Variants in USB1 observed in about 807,000 individuals in gnomAD.
USB1 encodes U6 snRNA phosphodiesterase 1.
In USB1, 21 loss-of-function variants were observed where a neutral mutation model predicts 29.9. That is an observed-to-expected ratio of 0.70 (90% CI 0.50 to 1.01). The LOEUF (loss-of-function observed/expected upper bound fraction) is 1.01, where lower values mean the gene tolerates loss of function less well. Ranked by LOEUF, USB1 falls within the 50% of genes least tolerant of loss-of-function variation. USB1 has a pLI of 0.00. For missense variants in USB1, 330 were observed against 347.1 expected, an observed-to-expected ratio of 0.95 and a Z score of 0.39; for synonymous variants, 143 against 134.9, an observed-to-expected ratio of 1.06 and a Z score of -0.42.
rs770934785 is a variant in USB1 at position 58,001,563 on chromosome 16, G to C, written c.80G>C (p.Gly27Ala). The C allele has an allele frequency of 4.4e-6, 7 of 1,608,626 alleles. No homozygotes were observed. The highest frequency in any genetic ancestry group is 5.9e-6 in the Non-Finnish European group (7 of 1,178,152). The change falls in exon 1 of 7, where the codon GGG (glycine) becomes GCG (alanine). Residue 27 changes from glycine to alanine, a missense_variant. Physicochemically the swap from Gly to Ala is moderately conservative, Grantham distance 60. Coordinates refer to ENST00000219281, the MANE Select transcript of USB1 (RefSeq NM_024598.4). ...GAGGACGGGATGCGGACCAGGCCGG[G>C]GGATGGGAGCCACCGTCGGTGAGGA... is the stretch of plus-strand genomic sequence containing the variant. The part of the protein sequence containing the change: ...ESEDGMRTRP[G>A]DGSHRRGQSP...
At chr16:58,011,591 C>T (rs1308820146) in intron 3 of USB1, 4 of 991,332 alleles carry the variant, frequency 4.0e-6, no homozygotes, top group Non-Finnish European at 4.8e-6. Flanking sequence ...AGAGATCAGT[C>T]GGTCCTGTGG....
rs757856307 is a variant in USB1 at position 58,018,958 on chromosome 16, G to C, written c.610-14G>C. ...GCGTCCGGGTGACTGCCTGCCTCTC[G>C]TTTCCCTCCCCAGGATCCTTCTTTC... is the stretch of plus-strand genomic sequence containing the variant. On this transcript the variant is annotated splice_polypyrimidine_tract_variant and intron_variant, in intron 5 of 6. Coordinates refer to ENST00000219281, the MANE Select transcript of USB1 (RefSeq NM_024598.4). The C allele has an allele frequency of 1.2e-6, 2 of 1,613,898 alleles. No homozygotes were observed. The highest frequency in any genetic ancestry group is 1.3e-5 in the African/African-American group (1 of 74,916).
At position 58,002,586 on chromosome 16, in the gene USB1, G is replaced by A. The variant is rs767791131; in HGVS notation, c.206G>A (p.Gly69Glu). ...GPEDDSTKHG[G>E]RVRTFPHERG... ...GAAGATGACAGCACAAAACACGGGG[G>A]ACGGGTGCGCACCTTCCCCCACGAG... Residue 69 changes from glycine to glutamate, a missense_variant, in exon 2 of 7, where the codon GGA becomes GAA. Transcript: ENST00000219281. The A allele has an allele frequency of 6.2e-7, 1 of 1,613,974 alleles. No homozygotes were observed. Among genetic ancestry groups the A allele is most frequent in the African/African-American group, 1.3e-5 (1 of 74,922 alleles).
intron 2 of USB1, among the ~76,000 whole-genome samples, chr16:58,002,941 C>A (rs545267006): frequency 6.6e-6 from 1 of 152,290 alleles, no homozygotes; most frequent in South Asian, 2.1e-4. Context: ...ATGCCAGGCA[C>A]TTTATTTCTG....
intron 1 of USB1, 78 bp downstream of exon 1, chr16:58,001,659 G>A: frequency 6.7e-7 from 1 of 1,492,398 alleles, no homozygotes; most frequent in South Asian, 1.2e-5. Flanking sequence ...TCTGGGGGTG[G>A]AGTGGGGAGG....
At chr16:58,002,740 A>G in intron 2 of USB1, 95 bp downstream of exon 2, 2 of 1,533,340 alleles carry the variant, frequency 1.3e-6, no homozygotes, top group African/African-American at 1.4e-5. Context: ...GGAAGAAACC[A>G]GAAACCTCTA....
chr16:58,012,478 A>G, intron 3 of USB1: 1 of 1,170,466 alleles, frequency 8.5e-7, no homozygotes, highest in Non-Finnish European at 1.2e-6. Flanking sequence ...TCACCACCAC[A>G]GGCAGACTGT....
chr16:58,003,713 GTTTA>G (rs1963286410), intron 2 of USB1, among the ~76,000 whole-genome samples: 2 of 151,850 alleles, frequency 1.3e-5, no homozygotes, highest in African/African-American at 2.4e-5. Flanking sequence ...AATCATTTTT[GTTTA>G]TTAATATTAA....
rs982872096 is a variant in USB1 at position 58,010,325 on chromosome 16, G to T, written c.449+213G>T. Among the ~76,000 whole-genome samples, 57 of 152,184 alleles carry T rather than the reference G, an allele frequency of 3.7e-4. 1 individual carries two copies. The highest frequency in any genetic ancestry group is 1.3e-4 in the Non-Finnish European group (9 of 68,030). ...CCCCTGATGCCGTATCTGCTCTGTAGGAAAAGCCAGCTGTTTTTCTGTAAG... is the reference window on the plus strand; with the variant it reads ...CCCCTGATGCCGTATCTGCTCTGTATGAAAAGCCAGCTGTTTTTCTGTAAG... On this transcript the variant is annotated intron_variant, in intron 3 of 6. Coordinates refer to ENST00000219281, the MANE Select transcript of USB1 (RefSeq NM_024598.4).
intron 6 of USB1, 97 bp downstream of exon 6, chr16:58,019,152 C>A (rs1963685585): frequency 3.2e-6 from 4 of 1,262,564 alleles, no homozygotes; most frequent in South Asian, 1.3e-5. Flanking sequence ...AACCTGAATC[C>A]CTGGGAAACA....
chr16:58,008,911 T>C (rs1963425918), intron 2 of USB1, among the ~76,000 whole-genome samples: 1 of 152,242 alleles, frequency 6.6e-6, no homozygotes, highest in Admixed American at 6.5e-5. Flanking sequence ...CCGTGTGTTA[T>C]TTAGAAGTGT....
At chr16:58,002,379 A>C (rs902489966) in intron 1 of USB1, 100 bp from the exon 2 acceptor site, 1 of 1,566,826 alleles carries the variant, frequency 6.4e-7, no homozygotes, top group African/African-American at 1.3e-5. Flanking sequence ...ACACACACTC[A>C]GAGCCACCAT....
intron 3 of USB1, chr16:58,011,600 G>C (rs1346224238): frequency 1.0e-6 from 1 of 988,850 alleles, no homozygotes; most frequent in African/African-American, 1.7e-5. Context: ...TCGGTCCTGT[G>C]GTTGTTTCAC....
At chr16:58,019,533 T>C (rs1257827025) in intron 6 of USB1, among the ~76,000 whole-genome samples, 2 of 152,156 alleles carry the variant, frequency 1.3e-5, no homozygotes, top group Non-Finnish European at 2.9e-5. Context: ...AAGATTCCAC[T>C]TTCCCATCTG....
intron 3 of USB1, chr16:58,012,142 G>C: frequency 7.1e-7 from 1 of 1,415,950 alleles, no homozygotes. Flanking sequence ...CTAGGAAACT[G>C]CTCAGTTAGC....
At chr16:58,012,044 C>T in intron 3 of USB1, 2 of 1,247,610 alleles carry the variant, frequency 1.6e-6, no homozygotes, top group Non-Finnish European at 1.0e-6. Flanking sequence ...CTGTGTAAAA[C>T]AGAAATAAAC....
chr16:58,017,845 C>T (rs1049518252), intron 5 of USB1, among the ~76,000 whole-genome samples: 3 of 152,158 alleles, frequency 2.0e-5, no homozygotes, highest in African/African-American at 4.8e-5. Flanking sequence ...GACTCTAAGT[C>T]GACTCTCAGG....
rs1186306905 is a variant in USB1 at position 58,020,550 on chromosome 16, TC to T, written c.*306del. On this transcript the variant is annotated 3_prime_UTR_variant, in exon 7 of 7. Transcript: ENST00000219281. ...CTCTTCTCTCTCTTCCCCTCCTGTC[TC>T]TCCTCCCCTCCTCTCTTCCTCTCCT... 1 of 304,420 alleles carries T rather than the reference TC, an allele frequency of 3.3e-6. No individual in the cohort carries two copies. Among genetic ancestry groups the T allele is most frequent in the East Asian group, 6.1e-5 (1 of 16,332 alleles). The allele number at this position is 304,420 out of a possible 1,614,324, so 18.9% of individuals were successfully genotyped here. A position where few individuals can be genotyped will look rare whatever the true frequency, so the allele number is the denominator to read the frequency against.
Position 58,013,281 on chromosome 16 carries a change from C to T in USB1, c.450-992C>T. ...TCCACTCCAGGATGTTTGGGAGACACCTTGAGAACTCTTCCTAAAAGCTGC... is the reference window on the plus strand; with the variant it reads ...TCCACTCCAGGATGTTTGGGAGACATCTTGAGAACTCTTCCTAAAAGCTGC... On this transcript the variant is annotated intron_variant, in intron 3 of 6. Transcript: ENST00000219281. The surrounding 1 kb of genome is among the most constrained non-coding windows in gnomAD (Gnocchi z 4.3). The T allele has an allele frequency of 6.1e-6, 6 of 985,434 alleles. No individual in the cohort carries two copies. The highest frequency in any genetic ancestry group is 7.2e-6 in the Non-Finnish European group (6 of 829,952). The allele number at this position is 985,434 out of a possible 1,614,324, so 61.0% of individuals were successfully genotyped here. A position where few individuals can be genotyped will look rare whatever the true frequency, so the allele number is the denominator to read the frequency against.
Sources: gnomAD v4.1 joint callset for allele counts (sites outside exome capture counted in the v4.1 genomes callset) on GRCh38, gnomAD v4.1.1 for gene constraint, Gnocchi (gnomAD v3.1) non-coding constraint, MANE v1.5 for transcripts, NCBI Gene and HGNC (gene_info 2026-07-23, HGNC 2026-07-21) for gene names.